The following DDX10 variants were observed in gnomAD, a reference collection of about 807,000 sequenced individuals.
DDX10 encodes probable ATP-dependent RNA helicase DDX10.
In DDX10, 74 loss-of-function variants were observed where a neutral mutation model predicts 104.3. The observed-to-expected ratio is 0.71, with a 90% CI of 0.59 to 0.86. DDX10 has a LOEUF of 0.86. DDX10 is among the 40% of genes least tolerant of loss of function. The pLI, the probability that DDX10 is intolerant of heterozygous loss-of-function variation, is 0.00. For missense variants in DDX10, 952 were observed against 1,040.0 expected, an observed-to-expected ratio of 0.92 and a Z score of 1.16; for synonymous variants, 351 against 353.4, an observed-to-expected ratio of 0.99 and a Z score of 0.08.
At chr11:108,731,383 C>T (rs2094312055) in intron 13 of DDX10, among the ~76,000 whole-genome samples, 1 of 152,072 alleles carries the variant, frequency 6.6e-6, no homozygotes, top group South Asian at 2.1e-4. Flanking sequence ...GTCTTAACTT[C>T]ACCTGTTACC....
chr11:108,853,165 C>T (rs1284642780), intron 16 of DDX10, among the ~76,000 whole-genome samples: 2 of 151,982 alleles, frequency 1.3e-5, no homozygotes, highest in Non-Finnish European at 2.9e-5. Flanking sequence ...ACGAGAGCTC[C>T]AGTGTGTGCA....
At chr11:108,717,818 AT>A (rs376534609) in intron 11 of DDX10, among the ~76,000 whole-genome samples, 2 of 152,196 alleles carry the variant, frequency 1.3e-5, no homozygotes, top group African/African-American at 4.8e-5. Context: ...GGTAGGTGGT[AT>A]TGATTTGACT....
At chr11:108,681,257 A>C (rs2094234670) in intron 6 of DDX10, among the ~76,000 whole-genome samples, 1 of 152,186 alleles carries the variant, frequency 6.6e-6, no homozygotes, top group African/African-American at 2.4e-5. Context: ...GTTTTAGAAA[A>C]AAACTACAAA....
intron 15 of DDX10, among the ~76,000 whole-genome samples, chr11:108,850,499 T>C (rs916134504): frequency 6.6e-6 from 1 of 152,140 alleles, no homozygotes; most frequent in East Asian, 1.9e-4. Flanking sequence ...GGAAGATCAG[T>C]TGTTGAATAA....
intron 16 of DDX10, among the ~76,000 whole-genome samples, chr11:108,905,642 T>G (rs778642637): frequency 6.6e-6 from 1 of 152,200 alleles, no homozygotes; most frequent in South Asian, 2.1e-4. Context: ...TGGAATTTCT[T>G]ATCAATGAAG....
At position 108,673,511 on chromosome 11, in the gene DDX10, C is replaced by CA; in HGVS notation, c.238dup (p.Thr80AsnfsTer15). 8 of 1,594,590 alleles carry CA rather than the reference C, an allele frequency of 5.0e-6. No individual in the cohort carries two copies. The highest frequency in any genetic ancestry group is 1.1e-5 in the South Asian group (1 of 90,034). On this transcript the variant is annotated frameshift_variant, in exon 2 of 18. Coordinates refer to ENST00000322536, the MANE Select transcript of DDX10 (RefSeq NM_004398.4). LOFTEE classifies it high-confidence loss of function. ...CAAGATTTTCAGATTTTCCCTTGTC[C>CA]AAAAAAACATTGAAAGGTAAGTATA...
At position 108,891,050 on chromosome 11, in the gene DDX10, T is replaced by C. The variant is rs367624213; in HGVS notation, c.2305-26823T>C. 4.6e-4 allele frequency among the ~76,000 whole-genome samples: 70 copies of C among 152,222 alleles called. 2 individuals carry two copies. The South Asian group carries it at 0.014, about 31-fold the overall frequency. ...TCCATCTACCACTTAGTTTTTAAAT[T>C]TTGTCTCAAATCCACGTCCTGCCTC... On this transcript the variant is annotated intron_variant, in intron 16 of 17. Transcript: ENST00000322536.
chr11:108,672,086 A>G (rs1275324955), intron 1 of DDX10, among the ~76,000 whole-genome samples: 3 of 139,642 alleles, frequency 2.1e-5, no homozygotes, highest in South Asian at 2.3e-4. Flanking sequence ...AAAAAAAAAA[A>G]GGAATATGGT....
chr11:108,781,826 A>G (rs2094378486), intron 13 of DDX10, among the ~76,000 whole-genome samples: 1 of 152,142 alleles, frequency 6.6e-6, no homozygotes, highest in Non-Finnish European at 1.5e-5. Context: ...TAGCGAGATA[A>G]TGAATAGGAC....
At chr11:108,667,615 A>C (rs2094211698) in intron 1 of DDX10, among the ~76,000 whole-genome samples, 1 of 152,204 alleles carries the variant, frequency 6.6e-6, no homozygotes, top group South Asian at 2.1e-4. Context: ...AAATGAGATA[A>C]TGTGTATACA....
At chr11:108,827,910 A>G (rs559595036) in intron 13 of DDX10, among the ~76,000 whole-genome samples, 65 of 152,272 alleles carry the variant, frequency 4.3e-4, no homozygotes, top group African/African-American at 1.5e-3. Flanking sequence ...TTTCATCTTT[A>G]TTTGTGGTAG....
rs67302551 is a variant in DDX10 at position 108,917,531 on chromosome 11, AG to A, written c.2305-341del. Among the ~76,000 whole-genome samples the A allele has an allele frequency of 3.7e-3, 564 of 152,268 alleles. 1 individual carries two copies. Among genetic ancestry groups the A allele is most frequent in the African/African-American group, 0.013 (534 of 41,556 alleles). The stretch of plus-strand genomic sequence containing the variant: ...ATTCCCTTGCCTCATCCTCCTGAGT[AG>A]CTGGGATGACAGGAGCATGCCACAG... On this transcript the variant is annotated intron_variant, in intron 16 of 17. Coordinates refer to ENST00000322536, the MANE Select transcript of DDX10 (RefSeq NM_004398.4).
At chr11:108,796,969 C>T (rs1591820706) in intron 13 of DDX10, among the ~76,000 whole-genome samples, 1 of 152,108 alleles carries the variant, frequency 6.6e-6, no homozygotes, top group African/African-American at 2.4e-5. Context: ...TCTTGTACTT[C>T]CCAGTCTCTG....
chr11:108,758,338 A>G (rs1051671550), intron 13 of DDX10, among the ~76,000 whole-genome samples: 5 of 152,114 alleles, frequency 3.3e-5, no homozygotes, highest in Non-Finnish European at 7.4e-5. Context: ...TACATACCAA[A>G]TAGTGAAATA....
chr11:108,706,113 A>C (rs2134461013), intron 9 of DDX10, among the ~76,000 whole-genome samples: 1 of 152,144 alleles, frequency 6.6e-6, no homozygotes. Flanking sequence ...CTGAGATTAC[A>C]GGCACCTGCC....
At chr11:108,786,180 T>G (rs1439329597) in intron 13 of DDX10, among the ~76,000 whole-genome samples, 4 of 152,132 alleles carry the variant, frequency 2.6e-5, no homozygotes, top group African/African-American at 4.8e-5. Context: ...TCTTTATCAA[T>G]TTCTGTTTTT....
At chr11:108,743,092 G>T (rs1216008343) in intron 13 of DDX10, among the ~76,000 whole-genome samples, 1 of 151,950 alleles carries the variant, frequency 6.6e-6, no homozygotes, top group Non-Finnish European at 1.5e-5. Flanking sequence ...AAAACTTCAG[G>T]TCAATATCCT....
chr11:108,687,934 A>G (rs1239830175), intron 6 of DDX10, among the ~76,000 whole-genome samples: 1 of 152,176 alleles, frequency 6.6e-6, no homozygotes, highest in Non-Finnish European at 1.5e-5. Flanking sequence ...ATATGGATAT[A>G]TAATGTATAG....
At chr11:108,880,864 C>A (rs906352502) in intron 16 of DDX10, among the ~76,000 whole-genome samples, 7 of 152,148 alleles carry the variant, frequency 4.6e-5, no homozygotes, top group Non-Finnish European at 8.8e-5. Context: ...TTCTTCTGTG[C>A]TATTTTGAAG....
Sources: allele counts gnomAD v4.1 joint callset (sites outside exome capture counted in the v4.1 genomes callset), GRCh38; gene constraint gnomAD v4.1.1; transcripts MANE v1.5; gene names NCBI Gene and HGNC (gene_info 2026-07-23, HGNC 2026-07-21).